Variants in NIM1K observed in about 807,000 individuals in gnomAD.
NIM1K encodes serine/threonine-protein kinase NIM1.
A neutral mutation model predicts 37.1 loss-of-function variants in NIM1K; 35 were observed. That is an observed-to-expected ratio of 0.94 (90% CI 0.72 to 1.25). The LOEUF (loss-of-function observed/expected upper bound fraction) is 1.25, where lower values mean the gene tolerates loss of function less well. NIM1K is among the 50% of genes most tolerant of loss of function. The pLI is 0.00. For synonymous variants in NIM1K, 234 were observed against 206.6 expected (o/e 1.13, Z -1.14); for missense variants, 564 against 548.0 (o/e 1.03, Z -0.29).
intron 2 of NIM1K, among the ~76,000 whole-genome samples, chr5:43,274,374 C>A (rs1003301086): frequency 1.4e-5 from 2 of 148,098 alleles, no homozygotes; most frequent in Non-Finnish European, 3.0e-5. Context: ...AGTGATGATA[C>A]CTTAACTGAC....
intron 1 of NIM1K, among the ~76,000 whole-genome samples, chr5:43,198,191 C>CTT (rs748059233): frequency 1.0e-4 from 6 of 57,954 alleles, no homozygotes; most frequent in Non-Finnish European, 2.1e-4. Flanking sequence ...TTCTTTCTTT[C>CTT]TTTCTTTCTT....
rs1561081271 is a variant in NIM1K at position 43,232,843 on chromosome 5, A to G, written c.-694-12239A>G. ...AACGAGGTCAGTGATCTCCTGGCCA[A>G]TGGTGTAGTGCCTTCAGGCATAGTT... is the stretch of plus-strand genomic sequence containing the variant. On this transcript the variant is annotated intron_variant, in intron 1 of 3. Coordinates refer to ENST00000326035, the MANE Select transcript of NIM1K (RefSeq NM_153361.4). 19 of 1,039,106 alleles carry G rather than the reference A, an allele frequency of 1.8e-5. No homozygotes were observed. In the South Asian group the frequency reaches 1.9e-4, roughly 10 times the overall value. The allele number at this position is 1,039,106 out of a possible 1,614,324, so 64.4% of individuals were successfully genotyped here. A position where few individuals can be genotyped will look rare whatever the true frequency, so the allele number is the denominator to read the frequency against.
At chr5:43,276,438 G>A (rs1026769814) in intron 2 of NIM1K, among the ~76,000 whole-genome samples, 3 of 152,244 alleles carry the variant, frequency 2.0e-5, no homozygotes, top group Non-Finnish European at 4.4e-5. Context: ...TCACTAAGGA[G>A]ATGGCCCAAG....
At chr5:43,242,232 G>T (rs1286833354) in intron 1 of NIM1K, among the ~76,000 whole-genome samples, 1 of 151,956 alleles carries the variant, frequency 6.6e-6, no homozygotes, top group Non-Finnish European at 1.5e-5. Flanking sequence ...GGAAGGGAGG[G>T]AGAGGAATTC....
chr5:43,210,162 GGAGGGGAAGGGAGGA>G (rs1251142562), intron 1 of NIM1K, among the ~76,000 whole-genome samples: 2 of 151,278 alleles, frequency 1.3e-5, no homozygotes, highest in African/African-American at 2.5e-5. Context: ...GAACCAGAGG[GGAGGGGAAGGGAGGA>G]GAGAGGAAGG....
rs553603971 is a variant in NIM1K, at chr5:43,280,593, A to G, written c.1175A>G (p.His392Arg). ...SITGVYRIIL[H>R]RVQRKKALES... ...ACAGGGGTCTATAGAATTATTTTAC[A>G]TAGAGTCCAAAGGAAGAAGGCTTTG... is the stretch of plus-strand genomic sequence containing the variant. Residue 392 changes from histidine (H) to arginine (R), a missense_variant, in exon 4 of 4, where the codon CAT becomes CGT. By Grantham distance (29) the His-to-Arg change is conservative. Coordinates refer to ENST00000326035, the MANE Select transcript of NIM1K (RefSeq NM_153361.4). The G allele has an allele frequency of 1.2e-6, 2 of 1,614,166 alleles. No homozygotes were observed. Among genetic ancestry groups the G allele is most frequent in the Non-Finnish European group, 1.7e-6 (2 of 1,180,022 alleles).
chr5:43,226,251 T>C (rs1752455379), intron 1 of NIM1K, among the ~76,000 whole-genome samples: 1 of 152,182 alleles, frequency 6.6e-6, no homozygotes, highest in Non-Finnish European at 1.5e-5. Flanking sequence ...AGTGACATGA[T>C]GTGATATTTT....
chr5:43,196,688 T>TG (rs1751920934), intron 1 of NIM1K, among the ~76,000 whole-genome samples: 2 of 151,998 alleles, frequency 1.3e-5, no homozygotes, highest in Non-Finnish European at 2.9e-5. Flanking sequence ...AAAACAACAG[T>TG]CCCAGTCTCC....
intron 1 of NIM1K, among the ~76,000 whole-genome samples, chr5:43,210,031 C>T (rs1001292302): frequency 2.6e-5 from 4 of 152,136 alleles, no homozygotes; most frequent in East Asian, 1.9e-4. Context: ...CCCACAGAAA[C>T]GCACATTACA....
chr5:43,212,698 C>A (rs894824941), intron 1 of NIM1K, among the ~76,000 whole-genome samples: 1 of 152,144 alleles, frequency 6.6e-6, no homozygotes, highest in African/African-American at 2.4e-5. Context: ...CTGATAGAGA[C>A]ACCAACTCTA....
In NIM1K at chr5:43,245,583, G is replaced by A. The variant is rs1420284562; in HGVS notation, c.-193G>A. On this transcript the variant is annotated 5_prime_UTR_variant, in exon 2 of 4. Transcript: ENST00000326035. ...GAGGCGAGCAGCTCCTGGCTGGGCT[G>A]GGCAGACTCAGCTACCACGTTCACT... The A allele has an allele frequency of 1.9e-6, 1 of 530,572 alleles. No homozygotes were observed. Among genetic ancestry groups the A allele is most frequent in the South Asian group, 3.3e-5 (1 of 30,216 alleles). 32.9% of individuals were successfully genotyped at this position (530,572 alleles called of 1,614,324 possible).
chr5:43,240,725 C>T (rs1161804856), intron 1 of NIM1K, among the ~76,000 whole-genome samples: 6 of 151,538 alleles, frequency 4.0e-5, no homozygotes, highest in East Asian at 1.9e-4. Context: ...TTAGTAGAAA[C>T]GGGGTTTCAC....
chr5:43,217,895 G>A (rs753961728), intron 1 of NIM1K, among the ~76,000 whole-genome samples: 4 of 151,640 alleles, frequency 2.6e-5, no homozygotes, highest in Non-Finnish European at 4.4e-5. Flanking sequence ...TATTTTTAGT[G>A]GAGACAGCAT....
At chr5:43,249,226 C>T (rs998612941) in intron 2 of NIM1K, among the ~76,000 whole-genome samples, 184 of 151,944 alleles carry the variant, frequency 1.2e-3, no homozygotes, top group African/African-American at 2.9e-3. Context: ...CCCGCCACCA[C>T]GCCCGGCTAA....
chr5:43,198,193 TTCTTTCTTTCTTTC>T (rs1181656554), intron 1 of NIM1K, among the ~76,000 whole-genome samples: 2,378 of 54,982 alleles, frequency 0.043, 18 homozygotes, highest in Non-Finnish European at 0.05. Context: ...CTTTCTTTCT[TTCTTTCTTTCTTTC>T]TCTTTCTTTC....
intron 2 of NIM1K, among the ~76,000 whole-genome samples, chr5:43,263,926 T>C (rs991490185): frequency 1.3e-5 from 2 of 152,060 alleles, no homozygotes; most frequent in Admixed American, 6.6e-5. Context: ...TGTAGTTGAG[T>C]GGTTTTGAGT....
chr5:43,218,203 G>T (rs1579961790), intron 1 of NIM1K, among the ~76,000 whole-genome samples: 1 of 150,180 alleles, frequency 6.7e-6, no homozygotes, highest in Admixed American at 6.7e-5. Flanking sequence ...TAGAGATAGG[G>T]TTTCACCATG....
At chr5:43,239,159 T>A (rs1752661654) in intron 1 of NIM1K, among the ~76,000 whole-genome samples, 1 of 152,014 alleles carries the variant, frequency 6.6e-6, no homozygotes, top group Admixed American at 6.5e-5. Context: ...AAGTTGCTTA[T>A]CACTAATTTT....
At chr5:43,268,046 T>C (rs979670770) in intron 2 of NIM1K, among the ~76,000 whole-genome samples, 2 of 152,138 alleles carry the variant, frequency 1.3e-5, no homozygotes, top group African/African-American at 4.8e-5. Flanking sequence ...GTCAGTGGGG[T>C]GTTGAAGTAT....
Sources: allele counts gnomAD v4.1 joint callset (sites outside exome capture counted in the v4.1 genomes callset), GRCh38; gene constraint gnomAD v4.1.1; transcripts MANE v1.5; gene names NCBI Gene and HGNC (gene_info 2026-07-23, HGNC 2026-07-21).